Variants in PRKN observed in about 807,000 individuals in gnomAD.
PRKN encodes E3 ubiquitin-protein ligase parkin.
PRKN carries 56 observed loss-of-function variants against 59.5 expected under a neutral mutation model. The ratio of observed to expected loss-of-function variants is 0.94; its 90% CI spans 0.76 to 1.18. PRKN has a LOEUF of 1.18. PRKN is among the 50% of genes most tolerant of loss of function. The probability of loss-of-function intolerance (pLI) is 0.00; values close to 1 mark genes in which losing one functional copy is unlikely to be tolerated. For synonymous variants in PRKN, 250 were observed against 222.1 expected, an observed-to-expected ratio of 1.13 and a Z score of -1.12; for missense variants, 657 against 596.4, an observed-to-expected ratio of 1.10 and a Z score of -1.06.
intron 7 of PRKN, among the ~76,000 whole-genome samples, chr6:161,626,971 C>G (rs1582910088): frequency 1.3e-5 from 2 of 152,336 alleles, no homozygotes; most frequent in East Asian, 3.9e-4. Flanking sequence ...TTTACATCCC[C>G]TTGTTACCTA....
At chr6:161,490,324 GCTTGCTTGCTTGCTTT>G (rs1422924169) in intron 9 of PRKN, among the ~76,000 whole-genome samples, 2 of 139,158 alleles carry the variant, frequency 1.4e-5, no homozygotes, top group Non-Finnish European at 3.1e-5. Flanking sequence ...TTGCTTGCTT[GCTTGCTTGCTTGCTTT>G]CTCTCTCTCT....
At chr6:162,092,180 C>A (rs776012408) in intron 4 of PRKN, among the ~76,000 whole-genome samples, 3 of 151,940 alleles carry the variant, frequency 2.0e-5, no homozygotes, top group African/African-American at 7.3e-5. Context: ...ATGGCGAAAC[C>A]CCGGCTCTAC....
chr6:162,046,414 A>T (rs1294396900), intron 5 of PRKN, among the ~76,000 whole-genome samples: 1 of 152,182 alleles, frequency 6.6e-6, no homozygotes, highest in Non-Finnish European at 1.5e-5. Flanking sequence ...GCTGACATTC[A>T]CCTTGACTAG....
chr6:161,489,074 T>C (rs1777450250), intron 9 of PRKN, among the ~76,000 whole-genome samples: 1 of 152,140 alleles, frequency 6.6e-6, no homozygotes, highest in Non-Finnish European at 1.5e-5. Context: ...AAAAAGAGTC[T>C]CAAAAATCAA....
At chr6:162,677,082 A>T (rs1361834195) in intron 1 of PRKN, among the ~76,000 whole-genome samples, 1 of 138,558 alleles carries the variant, frequency 7.2e-6, no homozygotes, top group Non-Finnish European at 1.6e-5. Flanking sequence ...AAAAAAAAAA[A>T]ATGACCTAAG....
intron 7 of PRKN, among the ~76,000 whole-genome samples, chr6:161,747,823 T>C (rs572027967): frequency 6.6e-6 from 1 of 152,320 alleles, no homozygotes; most frequent in East Asian, 1.9e-4. Context: ...TGGAATTTGG[T>C]AGAATTCTCC....
chr6:161,978,913 G>C (rs1554257002), intron 5 of PRKN, among the ~76,000 whole-genome samples: 1 of 152,224 alleles, frequency 6.6e-6, no homozygotes, highest in Non-Finnish European at 1.5e-5. Flanking sequence ...AGGAAGCCCA[G>C]CTGTCAATTC....
chr6:161,945,426 A>G (rs1398535813), intron 6 of PRKN, among the ~76,000 whole-genome samples: 3 of 152,160 alleles, frequency 2.0e-5, no homozygotes, highest in Non-Finnish European at 4.4e-5. Flanking sequence ...TTCCTTCCAT[A>G]TATCTGTCTC....
intron 4 of PRKN, among the ~76,000 whole-genome samples, chr6:162,073,449 G>GT (rs1176285086): frequency 6.6e-6 from 1 of 152,076 alleles, no homozygotes; most frequent in Admixed American, 6.6e-5. Flanking sequence ...TTTTGTTGTT[G>GT]TTTTTTGTGT....
intron 7 of PRKN, among the ~76,000 whole-genome samples, chr6:161,659,257 G>A (rs1262846579): frequency 3.3e-5 from 5 of 152,170 alleles, no homozygotes; most frequent in Non-Finnish European, 5.9e-5. Flanking sequence ...GAGCATATAC[G>A]CTGTGTCACA....
chr6:161,735,891 G>T (rs189612788), intron 7 of PRKN, among the ~76,000 whole-genome samples: 1 of 151,844 alleles, frequency 6.6e-6, no homozygotes, highest in Admixed American at 6.6e-5. Flanking sequence ...CTCCAGCCTG[G>T]GCAACAGAGC....
chr6:162,561,462 C>T (rs1779839841), intron 1 of PRKN, among the ~76,000 whole-genome samples: 1 of 152,046 alleles, frequency 6.6e-6, no homozygotes, highest in African/African-American at 2.4e-5. Flanking sequence ...AACAGCTAAT[C>T]TACATAGGAA....
chr6:162,716,766 GCGCA>G (rs904848366), intron 1 of PRKN, among the ~76,000 whole-genome samples: 1 of 140,652 alleles, frequency 7.1e-6, no homozygotes, highest in African/African-American at 3.0e-5. Context: ...CTGCGCGCGC[GCGCA>G]CGCACACACA....
At chr6:162,395,447 C>T (rs983653926) in intron 2 of PRKN, among the ~76,000 whole-genome samples, 3 of 152,208 alleles carry the variant, frequency 2.0e-5, no homozygotes, top group African/African-American at 7.2e-5. Context: ...GTGCCAACCA[C>T]ATTGGAAGTG....
chr6:162,362,020 G>A (rs777458653), intron 2 of PRKN, among the ~76,000 whole-genome samples: 14 of 152,170 alleles, frequency 9.2e-5, no homozygotes, highest in Non-Finnish European at 1.6e-4. Flanking sequence ...TTTCAACAAT[G>A]AATTGCTCAC....
chr6:161,770,847 G>A (rs764846089), intron 7 of PRKN, among the ~76,000 whole-genome samples: 6 of 151,894 alleles, frequency 4.0e-5, no homozygotes, highest in East Asian at 1.9e-4. Flanking sequence ...CTTAGAAGAC[G>A]AGGAGATGAG....
chr6:162,222,310 C>G (rs754882220), intron 3 of PRKN, among the ~76,000 whole-genome samples: 1 of 152,094 alleles, frequency 6.6e-6, no homozygotes, highest in Admixed American at 6.6e-5. Flanking sequence ...TTGAATTAAT[C>G]CAAAAGGAGA....
chr6:161,697,495 G>A lies in PRKN; in HGVS notation c.871+88277C>T, dbSNP rs376065540. ...CTACAATAAAATATTCCAAATGTAAGCTTGCCCTCTCATAAAGTCCAACAA... is the reference window on the plus strand; with the variant it reads ...CTACAATAAAATATTCCAAATGTAAACTTGCCCTCTCATAAAGTCCAACAA... On this transcript the variant is annotated intron_variant, in intron 7 of 11. Transcript: ENST00000366898. 1.7e-3 allele frequency among the ~76,000 whole-genome samples: 262 copies of A among 152,240 alleles called. 1 individual carries two copies. Among genetic ancestry groups the A allele is most frequent in the African/African-American group, 6.2e-3 (257 of 41,550 alleles).
chr6:162,317,062 A>G (rs1782781631), intron 2 of PRKN, among the ~76,000 whole-genome samples: 1 of 151,710 alleles, frequency 6.6e-6, no homozygotes, highest in Admixed American at 6.5e-5. Context: ...GCTTATTCAC[A>G]TATATTCTCT....
Sources: gnomAD v4.1 joint callset for allele counts (sites outside exome capture counted in the v4.1 genomes callset) on GRCh38, gnomAD v4.1.1 for gene constraint, MANE v1.5 for transcripts, NCBI Gene and HGNC (gene_info 2026-07-23, HGNC 2026-07-21) for gene names.